EEPD1: variants seen among roughly 807,000 people sequenced by gnomAD.
EEPD1 encodes endonuclease/exonuclease/phosphatase family domain containing 1, also known as endonuclease/exonuclease/phosphatase family domain-containing protein 1.
A neutral mutation model predicts 46.3 loss-of-function variants in EEPD1; 17 were observed. The observed-to-expected ratio is 0.37, with a 90% CI of 0.25 to 0.55. EEPD1 has a LOEUF of 0.55. Ranked by LOEUF, EEPD1 falls within the 20% of genes least tolerant of loss-of-function variation. The probability of loss-of-function intolerance (pLI) is 0.83; values close to 1 mark genes in which losing one functional copy is unlikely to be tolerated. For synonymous variants in EEPD1, 313 were observed against 315.6 expected (o/e 0.99, Z 0.09); for missense variants, 673 against 745.6 (o/e 0.90, Z 1.13).
In EEPD1 at chr7:36,212,627, C is replaced by T. The variant is rs1261416369; in HGVS notation, c.879-26358C>T. Reference sequence around the variant, plus strand: ...GAAGTCACATGGCCAAGCCCAGACTCAGTGGGAGCCGACTACACAAGAGGT... The same window carrying T: ...GAAGTCACATGGCCAAGCCCAGACTTAGTGGGAGCCGACTACACAAGAGGT... On this transcript the variant is annotated intron_variant, in intron 2 of 7. Transcript: ENST00000242108. Among the ~76,000 whole-genome samples, 3 of 148,534 alleles carry T rather than the reference C, an allele frequency of 2.0e-5. No homozygotes were observed. The East Asian group carries it at 6.0e-4, about 30-fold the overall frequency.
chr7:36,258,558 A>T (rs990608466), intron 3 of EEPD1, among the ~76,000 whole-genome samples: 1 of 152,190 alleles, frequency 6.6e-6, no homozygotes. Flanking sequence ...CAGTCTGGCT[A>T]CAGTGGCTTT....
chr7:36,195,210 A>C (rs2115686431), intron 2 of EEPD1, among the ~76,000 whole-genome samples: 1 of 152,262 alleles, frequency 6.6e-6, no homozygotes, highest in Non-Finnish European at 1.5e-5. Context: ...TTGAGACCAG[A>C]CACATGCTGA....
rs761904288 is a variant in EEPD1, at chr7:36,266,500, C to T, written c.931-14615C>T. On this transcript the variant is annotated intron_variant, in intron 3 of 7. Transcript: ENST00000242108. ...TGCAAAATCCTCAGTGTTTGTTGAACGAAGGTGTGGTTCCTCTGTGTTACC... is the reference window on the plus strand; with the variant it reads ...TGCAAAATCCTCAGTGTTTGTTGAATGAAGGTGTGGTTCCTCTGTGTTACC... Among the ~76,000 whole-genome samples, 7 of 152,298 alleles carry T rather than the reference C, an allele frequency of 4.6e-5. No individual in the cohort carries two copies. The East Asian group carries it at 5.8e-4, about 13-fold the overall frequency.
intron 2 of EEPD1, among the ~76,000 whole-genome samples, chr7:36,155,962 C>T (rs1027439109): frequency 1.3e-5 from 2 of 152,182 alleles, no homozygotes; most frequent in African/African-American, 4.8e-5. Context: ...TAAACAAAAA[C>T]AATATTATTT....
At chr7:36,277,282 T>C (rs196583) in intron 3 of EEPD1, among the ~76,000 whole-genome samples, 113,938 of 152,176 alleles carry the variant, frequency 0.75, 43,175 homozygotes, top group Non-Finnish European at 0.81. Context: ...AATTTGAACT[T>C]GAGCTTGGGC....
intron 3 of EEPD1, among the ~76,000 whole-genome samples, chr7:36,277,763 G>A (rs1006537840): frequency 3.3e-5 from 5 of 152,072 alleles, no homozygotes; most frequent in Admixed American, 6.5e-5. Flanking sequence ...TATCTCCCTC[G>A]TCGCTCAAGT....
chr7:36,264,303 C>T (rs1361566620), intron 3 of EEPD1, among the ~76,000 whole-genome samples: 4 of 152,132 alleles, frequency 2.6e-5, no homozygotes, highest in Non-Finnish European at 4.4e-5. Context: ...GGGGTCAGGA[C>T]GATAGACATG....
At chr7:36,291,410 C>G (rs1201089633) in intron 6 of EEPD1, among the ~76,000 whole-genome samples, 1 of 152,178 alleles carries the variant, frequency 6.6e-6, no homozygotes, top group Non-Finnish European at 1.5e-5. Context: ...TTGGACAAAC[C>G]TTCCCACCTC....
chr7:36,281,322 C>G, intron 4 of EEPD1, 97 bp downstream of exon 4: 1 of 1,095,050 alleles, frequency 9.1e-7, no homozygotes, highest in South Asian at 1.4e-5. Context: ...TGCCAATATC[C>G]CCGGTTCAAT....
In EEPD1 at chr7:36,287,718, A is replaced by G; in HGVS notation, c.1256A>G (p.Asn419Ser). ...TLLGSENPSK[N>S]HSDGHRLASF... Reference sequence around the variant, plus strand: ...CTGGGGAGCGAGAATCCCAGCAAGAATCACAGTGATGGCCACCGGTTGGCG... The same window carrying G: ...CTGGGGAGCGAGAATCCCAGCAAGAGTCACAGTGATGGCCACCGGTTGGCG... Residue 419 changes from asparagine (N) to serine (S), a missense_variant, in exon 6 of 8, where the codon AAT (asparagine) becomes AGT (serine). By Grantham distance (46) the Asn-to-Ser change is conservative. Transcript: ENST00000242108. The G allele has an allele frequency of 6.2e-7, 1 of 1,614,196 alleles. No homozygotes were observed. Among genetic ancestry groups the G allele is most frequent in the South Asian group, 1.1e-5 (1 of 91,088 alleles).
chr7:36,166,609 G>C (rs1474478642), intron 2 of EEPD1, among the ~76,000 whole-genome samples: 4 of 151,988 alleles, frequency 2.6e-5, no homozygotes, highest in Non-Finnish European at 5.9e-5. Context: ...GTCAACCTAG[G>C]CAAGATAAAC....
At chr7:36,161,391 C>T (rs1023954526) in intron 2 of EEPD1, among the ~76,000 whole-genome samples, 1 of 152,074 alleles carries the variant, frequency 6.6e-6, no homozygotes, top group African/African-American at 2.4e-5. Flanking sequence ...GTCTGCTTGG[C>T]TCTGCAGGTA....
At chr7:36,200,855 T>A (rs1052925861) in intron 2 of EEPD1, among the ~76,000 whole-genome samples, 6 of 152,318 alleles carry the variant, frequency 3.9e-5, no homozygotes, top group African/African-American at 1.4e-4. Flanking sequence ...CAGAACCACT[T>A]GCTTGGATAA....
At chr7:36,284,245 G>A (rs1294270849) in intron 4 of EEPD1, among the ~76,000 whole-genome samples, 1 of 152,234 alleles carries the variant, frequency 6.6e-6, no homozygotes, top group African/African-American at 2.4e-5. Context: ...TAATCAGTAA[G>A]CAAAACCCAT....
chr7:36,255,450 A>T (rs1247359056), intron 3 of EEPD1, among the ~76,000 whole-genome samples: 3 of 152,090 alleles, frequency 2.0e-5, no homozygotes, highest in Non-Finnish European at 4.4e-5. Context: ...ATGGTTGTAG[A>T]TGTGTGGCTC....
chr7:36,204,688 C>T (rs1309133673), intron 2 of EEPD1, among the ~76,000 whole-genome samples: 3 of 152,214 alleles, frequency 2.0e-5, no homozygotes, highest in Admixed American at 1.3e-4. Context: ...ACCGGGCTCA[C>T]CTGGGCTGCA....
chr7:36,282,260 G>A (rs994864093), intron 4 of EEPD1, among the ~76,000 whole-genome samples: 7 of 152,244 alleles, frequency 4.6e-5, no homozygotes, highest in African/African-American at 1.7e-4. Flanking sequence ...TTACATGTAT[G>A]TAGGTGTCTG....
chr7:36,205,897 G>A (rs1249519763), intron 2 of EEPD1, among the ~76,000 whole-genome samples: 3 of 152,150 alleles, frequency 2.0e-5, no homozygotes. Flanking sequence ...AGACTCTGGG[G>A]TAATGGGGGC....
At position 36,193,496 on chromosome 7, in the gene EEPD1, A is replaced by G. The variant is rs541070960; in HGVS notation, c.878+38294A>G. Among the ~76,000 whole-genome samples the G allele has an allele frequency of 1.2e-3, 183 of 152,262 alleles. No individual in the cohort carries two copies. The highest frequency in any genetic ancestry group is 4.0e-3 in the African/African-American group (166 of 41,546). On this transcript the variant is annotated intron_variant, in intron 2 of 7. Transcript: ENST00000242108. The surrounding 1 kb of genome is among the most constrained non-coding windows in gnomAD (Gnocchi z 4.9). ...AGTGCGGTCCCCTGAAGGCAGAGGC[A>G]GAGGGAGGCCATGGGAAGCACCCAG... is the stretch of plus-strand genomic sequence containing the variant.
Sources: gnomAD v4.1 joint callset for allele counts (sites outside exome capture counted in the v4.1 genomes callset) on GRCh38, gnomAD v4.1.1 for gene constraint, Gnocchi (gnomAD v3.1) non-coding constraint, MANE v1.5 for transcripts, NCBI Gene and HGNC (gene_info 2026-07-23, HGNC 2026-07-21) for gene names.